Variants in UBE2U observed in about 807,000 individuals in gnomAD.
The protein encoded by UBE2U is ubiquitin-conjugating enzyme E2 U.
UBE2U carries 39 observed loss-of-function variants against 41.2 expected under a neutral mutation model. That is an observed-to-expected ratio of 0.95 (90% CI 0.73 to 1.24). The LOEUF is 1.24. Ranked by LOEUF, UBE2U falls within the 50% of genes most tolerant of loss-of-function variation. The probability of loss-of-function intolerance (pLI) is 0.00; values close to 1 mark genes in which losing one functional copy is unlikely to be tolerated. For missense variants in UBE2U, 336 were observed against 363.1 expected (o/e 0.93, Z 0.61); for synonymous variants, 107 against 117.8 (o/e 0.91, Z 0.60).
chr1:64,262,877 C>T (rs1570163629), intron 9 of UBE2U, among the ~76,000 whole-genome samples: 1 of 152,140 alleles, frequency 6.6e-6, no homozygotes, highest in Non-Finnish European at 1.5e-5. Flanking sequence ...TACTGCCTGT[C>T]TCCTTTGAAA....
Position 64,228,283 on chromosome 1 carries a change from A to T in UBE2U, c.507-4278A>T, listed in dbSNP as rs576093089. Among the ~76,000 whole-genome samples, 27 of 152,336 alleles carry T rather than the reference A, an allele frequency of 1.8e-4. 1 individual carries two copies. The East Asian group carries it at 4.6e-3, about 26-fold the overall frequency. Reference sequence around the variant, plus strand: ...CCATCAGGCTCTAATTTAGAGCCAGAGGTGTGGTCAGTCCCATCAGAGTGT... The same window carrying T: ...CCATCAGGCTCTAATTTAGAGCCAGTGGTGTGGTCAGTCCCATCAGAGTGT... On this transcript the variant is annotated intron_variant, in intron 6 of 9. Coordinates refer to ENST00000371077, the MANE Select transcript of UBE2U (RefSeq NM_001366232.2).
rs775238573 is a variant in UBE2U at position 64,204,096 on chromosome 1, C to G, written c.46C>G (p.Leu16Val). The change falls in exon 1 of 10, where the codon CTC becomes GTC. Residue 16 changes from leucine to valine, a missense_variant. Coordinates refer to ENST00000371077, the MANE Select transcript of UBE2U (RefSeq NM_001366232.2). ...CTTGCTGCACAGAGACTTCTGTGAT[C>G]TCAAGGAGAACAATTATAAGGTAAG... ...YLLLHRDFCD[L>V]KENNYKGITA... The G allele has an allele frequency of 1.2e-6, 2 of 1,613,758 alleles. No individual in the cohort carries two copies. Among genetic ancestry groups the G allele is most frequent in the Non-Finnish European group, 1.7e-6 (2 of 1,179,816 alleles).
intron 8 of UBE2U, among the ~76,000 whole-genome samples, chr1:64,254,212 A>G (rs924874612): frequency 3.3e-5 from 5 of 152,234 alleles, no homozygotes; most frequent in Non-Finnish European, 7.3e-5. Flanking sequence ...AGAGCTAATT[A>G]TCCTAAATAT....
chr1:64,241,500 A>T (rs150435488), intron 7 of UBE2U, 152 bp from the exon 8 acceptor site: 20 of 504,390 alleles, frequency 4.0e-5, no homozygotes, highest in African/African-American at 3.6e-4. Flanking sequence ...TAATTTGGAA[A>T]GTTTCTAAGG....
At chr1:64,255,399 A>T (rs796510418) in intron 8 of UBE2U, among the ~76,000 whole-genome samples, 3 of 151,828 alleles carry the variant, frequency 2.0e-5, no homozygotes, top group African/African-American at 7.2e-5. Context: ...AAAAGAAGAG[A>T]CTCCTCCTTA....
At chr1:64,233,919 C>T (rs825184) in intron 7 of UBE2U, among the ~76,000 whole-genome samples, 77,242 of 152,014 alleles carry the variant, frequency 0.51, 19,909 homozygotes, top group Middle Eastern at 0.61. Context: ...ACTTGCACTC[C>T]CATTAGCTGT....
At position 64,210,738 on chromosome 1, in the gene UBE2U, A is replaced by G. The variant is rs1651612233; in HGVS notation, c.242-4A>G. On this transcript the variant is annotated splice_region_variant and splice_polypyrimidine_tract_variant and intron_variant, in intron 3 of 9. Coordinates refer to ENST00000371077, the MANE Select transcript of UBE2U (RefSeq NM_001366232.2). ...GCAAATATTAATGTATTATTTTAAT[A>G]CAGTAGACCCACACACTGGTCAGCC... 4.6e-6 allele frequency: 7 copies of G among 1,518,502 alleles called. No homozygotes were observed. Among genetic ancestry groups the G allele is most frequent in the South Asian group, 1.3e-5 (1 of 75,066 alleles). The allele number at this position is 1,518,502 out of a possible 1,614,324, so 94.1% of individuals were successfully genotyped here. A position where few individuals can be genotyped will look rare whatever the true frequency, so the allele number is the denominator to read the frequency against.
intron 6 of UBE2U, among the ~76,000 whole-genome samples, chr1:64,223,462 A>G (rs1381734502): frequency 3.9e-5 from 6 of 152,172 alleles, no homozygotes; most frequent in Non-Finnish European, 8.8e-5. Flanking sequence ...ATTGAATCAT[A>G]TCTAAAATGA....
In UBE2U at chr1:64,219,377, G is replaced by T. The variant is rs557469922; in HGVS notation, c.458-1482G>T. Among the ~76,000 whole-genome samples, 47 of 151,410 alleles carry T rather than the reference G, an allele frequency of 3.1e-4. 1 individual carries two copies. The highest frequency in any genetic ancestry group is 1.1e-3 in the African/African-American group (46 of 41,222). ...TTATTCCCAGTGATTTGAAATTTTT[G>T]ATAATATTTCTTTGTGTATCCTCCC... On this transcript the variant is annotated intron_variant, in intron 5 of 9. Coordinates refer to ENST00000371077, the MANE Select transcript of UBE2U (RefSeq NM_001366232.2).
intron 6 of UBE2U, among the ~76,000 whole-genome samples, chr1:64,226,586 A>G (rs1246063681): frequency 1.3e-5 from 2 of 152,202 alleles, no homozygotes; most frequent in African/African-American, 2.4e-5. Flanking sequence ...CTGTAATCCC[A>G]GCTATTTGGC....
In UBE2U at chr1:64,216,905, G is replaced by A. The variant is rs373808327; in HGVS notation, c.457+1973G>A. ...CCTGGCCCCTTTTCCTTTCTTAGAG[G>A]ACTCACATACCCCAGACTGCCTGGG... On this transcript the variant is annotated intron_variant, in intron 5 of 9. Coordinates refer to ENST00000371077, the MANE Select transcript of UBE2U (RefSeq NM_001366232.2). 3.7e-4 allele frequency among the ~76,000 whole-genome samples: 56 copies of A among 152,190 alleles called. 5 individuals are homozygous for A. The South Asian group carries it at 5.0e-3, about 14-fold the overall frequency.
intron 6 of UBE2U, among the ~76,000 whole-genome samples, chr1:64,221,279 T>G (rs1361789576): frequency 6.6e-6 from 1 of 152,038 alleles, no homozygotes; most frequent in East Asian, 1.9e-4. Flanking sequence ...ACCCGGCTAA[T>G]TTTTTGTATT....
chr1:64,254,809 A>T (rs2100522545), intron 8 of UBE2U, among the ~76,000 whole-genome samples: 1 of 152,324 alleles, frequency 6.6e-6, no homozygotes, highest in South Asian at 2.1e-4. Flanking sequence ...CTAAATGCCC[A>T]CATCAAAAAG....
chr1:64,225,943 T>C (rs960709812), intron 6 of UBE2U, among the ~76,000 whole-genome samples: 1 of 152,250 alleles, frequency 6.6e-6, no homozygotes, highest in Non-Finnish European at 1.5e-5. Context: ...CACAACCAGT[T>C]TGAAACAGTT....
chr1:64,223,546 A>G (rs1003003946), intron 6 of UBE2U, among the ~76,000 whole-genome samples: 7 of 152,068 alleles, frequency 4.6e-5, no homozygotes, highest in Non-Finnish European at 1.0e-4. Context: ...TCAGTTTTTC[A>G]CTAAGTCATC....
chr1:64,267,148 GGAA>G lies in UBE2U; in HGVS notation c.896_898del (p.Glu299del). On this transcript the variant is annotated inframe_deletion, in exon 10 of 10. Transcript: ENST00000371077. ...ATGACACAGATGAGCCCAGGGAAGA[GGAA>G]GTGGAAGATCTGATCTCCTGGACCA... 6.5e-7 allele frequency: 1 copy of G among 1,549,412 alleles called. No individual in the cohort carries two copies. The highest frequency in any genetic ancestry group is 2.4e-5 in the East Asian group (1 of 40,874).
At chr1:64,225,965 T>C (rs548990199) in intron 6 of UBE2U, among the ~76,000 whole-genome samples, 2 of 152,380 alleles carry the variant, frequency 1.3e-5, no homozygotes, top group South Asian at 2.1e-4. Flanking sequence ...AAGTTTCTTA[T>C]AATGTCAAAC....
rs1205313234 is a variant in UBE2U, at chr1:64,204,086, C to T, written c.36C>T (p.Asp12=). The part of the protein sequence containing the change: ...HGRAYLLLHR[D]FCDLKENNYK... ...GAGCTTACCTCTTGCTGCACAGAGA[C>T]TTCTGTGATCTCAAGGAGAACAATT... Residue 12 remains aspartate, a synonymous_variant, in exon 1 of 10, where the codon GAC becomes GAT. Coordinates refer to ENST00000371077, the MANE Select transcript of UBE2U (RefSeq NM_001366232.2). 1 of 1,613,928 alleles carries T rather than the reference C, an allele frequency of 6.2e-7. No individual in the cohort carries two copies. Among genetic ancestry groups the T allele is most frequent in the Admixed American group, 1.7e-5 (1 of 60,008 alleles).
chr1:64,234,193 G>A (rs1285645955), intron 7 of UBE2U, among the ~76,000 whole-genome samples: 15 of 152,114 alleles, frequency 9.9e-5, no homozygotes, highest in Admixed American at 9.8e-4. Context: ...TGTATTATAG[G>A]CATCTCATAT....
Sources: gnomAD v4.1 joint callset for allele counts (sites outside exome capture counted in the v4.1 genomes callset) on GRCh38, gnomAD v4.1.1 for gene constraint, MANE v1.5 for transcripts, NCBI Gene and HGNC (gene_info 2026-07-23, HGNC 2026-07-21) for gene names.